The following GALNTL6 variants were observed in gnomAD, a reference collection of about 807,000 sequenced individuals.
The protein encoded by GALNTL6 is polypeptide N-acetylgalactosaminyltransferase-like 6.
In GALNTL6, 46 loss-of-function variants were observed where a neutral mutation model predicts 73.7. The observed-to-expected ratio is 0.62, with a 90% CI of 0.49 to 0.80. GALNTL6 has a LOEUF of 0.80. GALNTL6 is among the 30% of genes least tolerant of loss of function. GALNTL6 has a pLI of 0.00. For synonymous variants in GALNTL6, 259 were observed against 263.7 expected (o/e 0.98, Z 0.17); for missense variants, 604 against 755.0 (o/e 0.80, Z 2.34).
intron 5 of GALNTL6, among the ~76,000 whole-genome samples, chr4:172,715,296 A>T (rs1377898849): frequency 1.3e-5 from 2 of 152,186 alleles, no homozygotes; most frequent in African/African-American, 4.8e-5. Context: ...GTGTATGCAC[A>T]CACACAAGTA....
At chr4:172,186,069 G>T (rs571457571) in intron 2 of GALNTL6, among the ~76,000 whole-genome samples, 6 of 152,176 alleles carry the variant, frequency 3.9e-5, no homozygotes, top group Admixed American at 2.0e-4. Context: ...GCCTATTAGA[G>T]AATTAAAATT....
Position 172,540,042 on chromosome 4 carries a change from T to G in GALNTL6, c.553+191353T>G, listed in dbSNP as rs890536543. ...CATACAGCTAGCAGTGACAGAGCTT[T>G]CTTTCTTTCTTTTTTTTTTTTTTTT... On this transcript the variant is annotated intron_variant, in intron 5 of 12. Coordinates refer to ENST00000506823, the MANE Select transcript of GALNTL6 (RefSeq NM_001034845.3). Among the ~76,000 whole-genome samples the G allele has an allele frequency of 8.3e-5, 12 of 145,314 alleles. 1 individual carries two copies. Among genetic ancestry groups the G allele is most frequent in the East Asian group, 5.9e-4 (3 of 5,116 alleles).
At chr4:172,626,159 A>C (rs551868205) in intron 5 of GALNTL6, among the ~76,000 whole-genome samples, 1 of 152,100 alleles carries the variant, frequency 6.6e-6, no homozygotes, top group Non-Finnish European at 1.5e-5. Context: ...GTGGTCTTAT[A>C]TTAAAATCTT....
intron 5 of GALNTL6, among the ~76,000 whole-genome samples, chr4:172,611,790 T>C (rs758426132): frequency 1.3e-5 from 2 of 152,068 alleles, no homozygotes; most frequent in Non-Finnish European, 2.9e-5. Flanking sequence ...CCATCTTTTA[T>C]TCCCTGTGAA....
intron 5 of GALNTL6, among the ~76,000 whole-genome samples, chr4:172,657,700 A>G (rs1229792683): frequency 6.6e-6 from 1 of 152,244 alleles, no homozygotes; most frequent in Non-Finnish European, 1.5e-5. Flanking sequence ...ACTCTACAAA[A>G]GTAGTCAGTA....
At chr4:171,878,496 A>G (rs1288693895) in intron 2 of GALNTL6, among the ~76,000 whole-genome samples, 4 of 152,162 alleles carry the variant, frequency 2.6e-5, no homozygotes, top group Admixed American at 1.3e-4. Flanking sequence ...TTTGAGCATA[A>G]AAGTCTTCAT....
intron 2 of GALNTL6, among the ~76,000 whole-genome samples, chr4:171,948,513 G>A (rs1321359187): frequency 2.6e-5 from 4 of 152,084 alleles, no homozygotes; most frequent in Non-Finnish European, 5.9e-5. Context: ...AAATGTGTGT[G>A]TGCTTGCATG....
chr4:172,348,294 T>A (rs1156235419), intron 4 of GALNTL6, among the ~76,000 whole-genome samples: 1 of 152,214 alleles, frequency 6.6e-6, no homozygotes, highest in Non-Finnish European at 1.5e-5. Flanking sequence ...TTTGAAACCC[T>A]GATACCAGAG....
intron 2 of GALNTL6, among the ~76,000 whole-genome samples, chr4:172,141,850 GA>G (rs1733807859): frequency 6.6e-6 from 1 of 150,626 alleles, no homozygotes; most frequent in African/African-American, 2.4e-5. Flanking sequence ...AATAAGCTAT[GA>G]CTGATAGGAC....
chr4:172,662,219 A>T (rs1345357375), intron 5 of GALNTL6, among the ~76,000 whole-genome samples: 1 of 152,216 alleles, frequency 6.6e-6, no homozygotes, highest in African/African-American at 2.4e-5. Context: ...GATCATTTCT[A>T]TACCCTCTGC....
At position 171,903,284 on chromosome 4, in the gene GALNTL6, G is replaced by A. The variant is rs372573768; in HGVS notation, c.138+88566G>A. 4.2e-4 allele frequency among the ~76,000 whole-genome samples: 64 copies of A among 152,132 alleles called. 1 individual carries two copies. The Middle Eastern group carries it at 0.024, about 57-fold the overall frequency. Reference sequence around the variant, plus strand: ...ACAGTGGGCGCAGGTCAGTGGGTGCGCGCACCGTGCGCGAGCTGAAGCAGG... The same window carrying A: ...ACAGTGGGCGCAGGTCAGTGGGTGCACGCACCGTGCGCGAGCTGAAGCAGG... On this transcript the variant is annotated intron_variant, in intron 2 of 12. Coordinates refer to ENST00000506823, the MANE Select transcript of GALNTL6 (RefSeq NM_001034845.3).
intron 5 of GALNTL6, among the ~76,000 whole-genome samples, chr4:172,629,598 A>G (rs562097532): frequency 6.6e-6 from 1 of 152,206 alleles, no homozygotes; most frequent in Non-Finnish European, 1.5e-5. Flanking sequence ...AAAATTCAAC[A>G]GTTACCACTA....
At chr4:171,950,549 T>G (rs1738845068) in intron 2 of GALNTL6, among the ~76,000 whole-genome samples, 1 of 151,500 alleles carries the variant, frequency 6.6e-6, no homozygotes, top group South Asian at 2.1e-4. Flanking sequence ...GGCTCGATCT[T>G]GGCTCACTGC....
intron 2 of GALNTL6, among the ~76,000 whole-genome samples, chr4:172,224,908 C>G (rs544418022): frequency 6.6e-6 from 1 of 152,250 alleles, no homozygotes; most frequent in Non-Finnish European, 1.5e-5. Context: ...GATCCCAGCC[C>G]TCACTACTAC....
chr4:172,645,096 T>G (rs991745440), intron 5 of GALNTL6, among the ~76,000 whole-genome samples: 1 of 152,050 alleles, frequency 6.6e-6, no homozygotes, highest in East Asian at 1.9e-4. Flanking sequence ...TAGACAGAAG[T>G]CCAGTCCTTT....
intron 5 of GALNTL6, among the ~76,000 whole-genome samples, chr4:172,483,975 C>G (rs1393589091): frequency 2.6e-5 from 4 of 152,172 alleles, no homozygotes; most frequent in Non-Finnish European, 5.9e-5. Context: ...AGAGCTCAGA[C>G]AGCAGAGATG....
At chr4:172,225,776 ATAAG>A (rs1736842377) in intron 2 of GALNTL6, among the ~76,000 whole-genome samples, 1 of 151,966 alleles carries the variant, frequency 6.6e-6, no homozygotes. Flanking sequence ...AAATAAATAA[ATAAG>A]TAAATAAATG....
chr4:172,441,193 G>A (rs1238031488), intron 5 of GALNTL6, among the ~76,000 whole-genome samples: 1 of 151,806 alleles, frequency 6.6e-6, no homozygotes, highest in Non-Finnish European at 1.5e-5. Context: ...TTCACTAAAG[G>A]TACTATCTTC....
At chr4:172,804,808 G>A (rs1740857481) in intron 5 of GALNTL6, among the ~76,000 whole-genome samples, 1 of 152,206 alleles carries the variant, frequency 6.6e-6, no homozygotes, top group Non-Finnish European at 1.5e-5. Flanking sequence ...ATTAGTGGCA[G>A]TCTCATAGAC....
Sources: gnomAD v4.1 joint callset for allele counts (sites outside exome capture counted in the v4.1 genomes callset) on GRCh38, gnomAD v4.1.1 for gene constraint, MANE v1.5 for transcripts, NCBI Gene and HGNC (gene_info 2026-07-23, HGNC 2026-07-21) for gene names.